Variants in RTL10 observed in about 807,000 individuals in gnomAD.
The protein encoded by RTL10 is retrotransposon Gag like 10, also known as protein Bop.
For synonymous variants in RTL10, 199 were observed against 188.4 expected, an observed-to-expected ratio of 1.06 and a Z score of -0.46; for missense variants, 477 against 470.7, an observed-to-expected ratio of 1.01 and a Z score of -0.12.
rs1409127826 is a variant in RTL10 at position 19,851,673 on chromosome 22, G to A, written c.589C>T (p.Pro197Ser). The change falls in exon 3 of 3, where the codon CCC becomes TCC. Residue 197 changes from proline (P) to serine (S), a missense_variant. By Grantham distance (74) the Pro-to-Ser change is moderately conservative. Coordinates refer to ENST00000328554, the MANE Select transcript of RTL10 (RefSeq NM_024627.6). ...EYHAVVTCPL[P>S]LASSQLPVAP... ...ACTGGCAGCTGGCTGGAGGCCAGGG[G>A]CAGGGGACAGGTAACCACAGCATGG... The A allele has an allele frequency of 6.3e-7, 1 of 1,595,850 alleles. No individual in the cohort carries two copies. The highest frequency in any genetic ancestry group is 8.6e-7 in the Non-Finnish European group (1 of 1,168,884).
Position 19,852,301 on chromosome 22 carries a change from G to C in RTL10, c.-40C>G. ...GGAGAAGAGAGGAGAGCCAGCACTGGTGGGTGGTGGGGGTGTGGACAGATG... is the reference window on the plus strand; with the variant it reads ...GGAGAAGAGAGGAGAGCCAGCACTGCTGGGTGGTGGGGGTGTGGACAGATG... On this transcript the variant is annotated 5_prime_UTR_variant, in exon 3 of 3. Coordinates refer to ENST00000328554, the MANE Select transcript of RTL10 (RefSeq NM_024627.6). The C allele has an allele frequency of 2.6e-6, 4 of 1,565,322 alleles. No homozygotes were observed. The highest frequency in any genetic ancestry group is 3.5e-6 in the Non-Finnish European group (4 of 1,152,700).
intron 2 of RTL10, among the ~76,000 whole-genome samples, chr22:19,853,231 A>C (rs532653007): frequency 8.9e-4 from 133 of 149,944 alleles, no homozygotes; most frequent in Non-Finnish European, 1.6e-3. Flanking sequence ...CCCAGCCCCC[A>C]CCATTGTAAA....
At position 19,851,540 on chromosome 22, in the gene RTL10, G is replaced by A. The variant is rs2145906498; in HGVS notation, c.722C>T (p.Pro241Leu). ...TACAGAGTTGGACCCAGACACAGCA[G>A]GGGTGGCCATGGCGGCTGGTAAAGA... ...PRSLPAAMATPAVSGSNSVSR... is the reference protein window; with the variant it reads ...PRSLPAAMATLAVSGSNSVSR... The change falls in exon 3 of 3, where the codon CCT becomes CTT. Residue 241 changes from proline to leucine, a missense_variant. Transcript: ENST00000328554. 6.2e-7 allele frequency: 1 copy of A among 1,613,710 alleles called. No homozygotes were observed. Among genetic ancestry groups the A allele is most frequent in the East Asian group, 2.2e-5 (1 of 44,858 alleles).
Position 19,847,137 on chromosome 22 carries a change from C to T in RTL10, c.*4030G>A, listed in dbSNP as rs918100695. Reference sequence around the variant, plus strand: ...GGTGACACACATTACTTGTGGCCTGCTGTGGCCTTTCCCCTGCCTCAGTGA... The same window carrying T: ...GGTGACACACATTACTTGTGGCCTGTTGTGGCCTTTCCCCTGCCTCAGTGA... On this transcript the variant is annotated 3_prime_UTR_variant, in exon 3 of 3. Coordinates refer to ENST00000328554, the MANE Select transcript of RTL10 (RefSeq NM_024627.6). The T allele has an allele frequency of 3.0e-6, 3 of 985,480 alleles. No homozygotes were observed. The highest frequency in any genetic ancestry group is 3.6e-6 in the Non-Finnish European group (3 of 829,950). 61.0% of individuals were successfully genotyped at this position (985,480 alleles called of 1,614,324 possible). A position where few individuals can be genotyped will look rare whatever the true frequency, so the allele number is the denominator to read the frequency against.
chr22:19,853,564 TCATCCCACATCTCCTATCTGCTGGC>T (rs1938161019), intron 2 of RTL10, among the ~76,000 whole-genome samples: 1 of 152,096 alleles, frequency 6.6e-6, no homozygotes, highest in Non-Finnish European at 1.5e-5. Context: ...GCACACACCT[TCATCCCACATCTCCTATCTGCTGGC>T]CATCCCCCCT....
In RTL10 at chr22:19,846,325, G is replaced by A; in HGVS notation, c.*4842C>T. On this transcript the variant is annotated 3_prime_UTR_variant, in exon 3 of 3. Transcript: ENST00000328554. ...CAGAAAGTTACAACCTGGGAATACA[G>A]GATAATGCCTTTGTACCCCCCAGGT... 1 of 687,160 alleles carries A rather than the reference G, an allele frequency of 1.5e-6. No homozygotes were observed. The highest frequency in any genetic ancestry group is 1.8e-6 in the Non-Finnish European group (1 of 556,848). 42.6% of individuals were successfully genotyped at this position (687,160 alleles called of 1,614,324 possible).
At position 19,846,549 on chromosome 22, in the gene RTL10, C is replaced by T. The variant is rs1937966042; in HGVS notation, c.*4618G>A. ...CTGCCAGGAACAGCAAAGACAAAAC[C>T]AGAGAAGCCTATCGCGGGCACCGCT... On this transcript the variant is annotated 3_prime_UTR_variant, in exon 3 of 3. Coordinates refer to ENST00000328554, the MANE Select transcript of RTL10 (RefSeq NM_024627.6). 3 of 985,408 alleles carry T rather than the reference C, an allele frequency of 3.0e-6. No individual in the cohort carries two copies. The highest frequency in any genetic ancestry group is 2.4e-6 in the Non-Finnish European group (2 of 829,984). The allele number at this position is 985,408 out of a possible 1,614,324, so 61.0% of individuals were successfully genotyped here.
In RTL10 at chr22:19,852,345, A is replaced by C; in HGVS notation, c.-84T>G. ...ACAGATGTGGCTTGCACGACACAAC[A>C]GGACAGGGATGGCTGAACAGGGCGT... On this transcript the variant is annotated 5_prime_UTR_variant, in exon 3 of 3. Transcript: ENST00000328554. 3 of 1,446,846 alleles carry C rather than the reference A, an allele frequency of 2.1e-6. No individual in the cohort carries two copies. Among genetic ancestry groups the C allele is most frequent in the East Asian group, 2.3e-5 (1 of 43,718 alleles). 89.6% of individuals were successfully genotyped at this position (1,446,846 alleles called of 1,614,324 possible).
At position 19,850,508 on chromosome 22, in the gene RTL10, A is replaced by G. The variant is rs932428695; in HGVS notation, c.*659T>C. The G allele has an allele frequency of 2.8e-6, 3 of 1,053,518 alleles. No homozygotes were observed. The East Asian group carries it at 2.1e-4, about 74-fold the overall frequency. 65.3% of individuals were successfully genotyped at this position (1,053,518 alleles called of 1,614,324 possible). ...CACAAAGGGCGAATGCCTGCAGCTG[A>G]GCCTGGCAAGGGGCTTGCATCCCAC... On this transcript the variant is annotated 3_prime_UTR_variant, in exon 3 of 3. Coordinates refer to ENST00000328554, the MANE Select transcript of RTL10 (RefSeq NM_024627.6).
At position 19,851,944 on chromosome 22, in the gene RTL10, G is replaced by A. The variant is rs200169059; in HGVS notation, c.318C>T (p.Thr106=). The A allele has an allele frequency of 1.2e-5, 20 of 1,614,122 alleles. No individual in the cohort carries two copies. The highest frequency in any genetic ancestry group is 3.3e-5 in the South Asian group (3 of 91,090). The change falls in exon 3 of 3, where the codon ACC becomes ACT. Residue 106 remains threonine (T), a synonymous_variant. Coordinates refer to ENST00000328554, the MANE Select transcript of RTL10 (RefSeq NM_024627.6). ...CCAGTAGCCACGGGGAGCCATCAAAGGTGCCTGGGTCTGAGCCTGGTACCC... is the reference window on the plus strand; with the variant it reads ...CCAGTAGCCACGGGGAGCCATCAAAAGTGCCTGGGTCTGAGCCTGGTACCC... ...FCWVPGSDPG[T]FDGSPWLLDR...
rs200814178 is a variant in RTL10 at position 19,851,842 on chromosome 22, G to C, written c.420C>G (p.Cys140Trp). ...EHYQDNISRVCEILRRLTGRA... is the reference protein window; with the variant it reads ...EHYQDNISRVWEILRRLTGRA... ...GGCCTGTTAGGCGCCTGAGGATCTC[G>C]CAGACACGGCTGATGTTGTCCTGAT... Residue 140 changes from cysteine (C) to tryptophan (W), a missense_variant, in exon 3 of 3, where the codon TGC becomes TGG. Cys to Trp is a radical substitution (Grantham distance 215). Transcript: ENST00000328554. 1 of 1,613,866 alleles carries C rather than the reference G, an allele frequency of 6.2e-7. No individual in the cohort carries two copies. Among genetic ancestry groups the C allele is most frequent in the Non-Finnish European group, 8.5e-7 (1 of 1,180,026 alleles).
Position 19,851,381 on chromosome 22 carries a change from T to C in RTL10, c.881A>G (p.Glu294Gly), listed in dbSNP as rs1021754495. The C allele has an allele frequency of 4.5e-5, 72 of 1,613,916 alleles. No individual in the cohort carries two copies. The highest frequency in any genetic ancestry group is 5.8e-5 in the Non-Finnish European group (68 of 1,179,974). The stretch of plus-strand genomic sequence containing the variant: ...TCTAGGGACAGGTGTGGGGGCTGCC[T>C]CCTCTGGCTGGGAAGAGGCTGGTTC... ...PVEPASSQPE[E>G]AAPTPVPRLS... Residue 294 changes from glutamate (E) to glycine (G), a missense_variant, in exon 3 of 3, where the codon GAG (glutamate) becomes GGG (glycine). Transcript: ENST00000328554.
rs1208980328 is a variant in RTL10 at position 19,851,194 on chromosome 22, TC to T, written c.1067del (p.Gly356GlufsTer29). The T allele has an allele frequency of 1.8e-5, 28 of 1,590,806 alleles. No individual in the cohort carries two copies. The highest frequency in any genetic ancestry group is 2.3e-5 in the Non-Finnish European group (27 of 1,167,940). On this transcript the variant is annotated frameshift_variant, in exon 3 of 3. Transcript: ENST00000328554. LOFTEE classifies it low-confidence loss of function (END_TRUNC). ...QEVVEAPETP[G>X]EPPLSPGF is the part of the protein sequence containing the mutation. Reference sequence around the variant, plus strand: ...AGAACCCAGGAGAAAGTGGTGGCTCTCCTGGGGTCTCCGGGGCCTCCACCAC... The same window carrying T: ...AGAACCCAGGAGAAAGTGGTGGCTCTCTGGGGTCTCCGGGGCCTCCACCAC...
In RTL10 at chr22:19,850,272, T is replaced by C. The variant is rs1263825184; in HGVS notation, c.*895A>G. 3 of 984,146 alleles carry C rather than the reference T, an allele frequency of 3.0e-6. No homozygotes were observed. Among genetic ancestry groups the C allele is most frequent in the African/African-American group, 1.7e-5 (1 of 57,234 alleles). The allele number at this position is 984,146 out of a possible 1,614,324, so 61.0% of individuals were successfully genotyped here. A position where few individuals can be genotyped will look rare whatever the true frequency, so the allele number is the denominator to read the frequency against. ...ACACGTGTTTAATGAGCACCAATTG[T>C]GTACCAGGCCACAGAGCTGACTAAG... On this transcript the variant is annotated 3_prime_UTR_variant, in exon 3 of 3. Coordinates refer to ENST00000328554, the MANE Select transcript of RTL10 (RefSeq NM_024627.6).
chr22:19,849,925 A>G lies in RTL10; in HGVS notation c.*1242T>C. The G allele has an allele frequency of 1.0e-6, 1 of 985,480 alleles. No homozygotes were observed. The highest frequency in any genetic ancestry group is 4.7e-5 in the South Asian group (1 of 21,288). The allele number at this position is 985,480 out of a possible 1,614,324, so 61.0% of individuals were successfully genotyped here. On this transcript the variant is annotated 3_prime_UTR_variant, in exon 3 of 3. Coordinates refer to ENST00000328554, the MANE Select transcript of RTL10 (RefSeq NM_024627.6). Reference sequence around the variant, plus strand: ...CCAGGAGCTTCCAAGCTCAGCTTCCACTAGAAAACCCCTCCTTGTGTGGAA... The same window carrying G: ...CCAGGAGCTTCCAAGCTCAGCTTCCGCTAGAAAACCCCTCCTTGTGTGGAA...
chr22:19,849,409 TC>T lies in RTL10; in HGVS notation c.*1757del. ...TTGGGATGGAGTTTCACTCTTGTTG[TC>T]CAGGCTGGAGTGCAATGGCGTGATC... is the stretch of plus-strand genomic sequence containing the variant. On this transcript the variant is annotated 3_prime_UTR_variant, in exon 3 of 3. Coordinates refer to ENST00000328554, the MANE Select transcript of RTL10 (RefSeq NM_024627.6). 3.1e-6 allele frequency: 2 copies of T among 638,884 alleles called. No homozygotes were observed. The highest frequency in any genetic ancestry group is 3.9e-6 in the Non-Finnish European group (2 of 514,626). 39.6% of individuals were successfully genotyped at this position (638,884 alleles called of 1,614,324 possible).
Position 19,851,632 on chromosome 22 carries a change from A to G in RTL10, c.630T>C (p.Pro210=), listed in dbSNP as rs1350440449. 3 of 1,593,632 alleles carry G rather than the reference A, an allele frequency of 1.9e-6. No homozygotes were observed. Among genetic ancestry groups the G allele is most frequent in the Non-Finnish European group, 2.6e-6 (3 of 1,168,068 alleles). The change falls in exon 3 of 3, where the codon CCT becomes CCC. Residue 210 remains proline (P), a synonymous_variant. Transcript: ENST00000328554. ...SSQLPVAPQL[P]VVRQYLARFL... Reference sequence around the variant, plus strand: ...ACCTAGCTAAGTATTGCCTCACCACAGGCAGCTGAGGGGCCACTGGCAGCT... The same window carrying G: ...ACCTAGCTAAGTATTGCCTCACCACGGGCAGCTGAGGGGCCACTGGCAGCT...
chr22:19,853,846 G>A (rs957965118), intron 2 of RTL10, among the ~76,000 whole-genome samples: 2 of 152,150 alleles, frequency 1.3e-5, no homozygotes, highest in Non-Finnish European at 2.9e-5. Flanking sequence ...AAAAAGCAGT[G>A]ACCCCGATCC....
Position 19,849,800 on chromosome 22 carries a change from A to G in RTL10, c.*1367T>C. ...GTTGTTTTGTTGTTTTCACAATTGTAAACCTGAAAGGGACTTGAACTTCTT... is the reference window on the plus strand; with the variant it reads ...GTTGTTTTGTTGTTTTCACAATTGTGAACCTGAAAGGGACTTGAACTTCTT... On this transcript the variant is annotated 3_prime_UTR_variant, in exon 3 of 3. Transcript: ENST00000328554. The G allele has an allele frequency of 1.0e-6, 1 of 985,446 alleles. No homozygotes were observed. Among genetic ancestry groups the G allele is most frequent in the Non-Finnish European group, 1.2e-6 (1 of 829,938 alleles). The allele number at this position is 985,446 out of a possible 1,614,324, so 61.0% of individuals were successfully genotyped here.
Sources: allele counts gnomAD v4.1 joint callset (sites outside exome capture counted in the v4.1 genomes callset), GRCh38; gene constraint gnomAD v4.1.1; transcripts MANE v1.5; gene names NCBI Gene and HGNC (gene_info 2026-07-23, HGNC 2026-07-21).